The following USP37 variants were observed in gnomAD, a reference collection of about 807,000 sequenced individuals.
USP37 encodes the protein ubiquitin carboxyl-terminal hydrolase 37.
USP37 carries 27 observed loss-of-function variants against 124.0 expected under a neutral mutation model. The ratio of observed to expected loss-of-function variants is 0.22; its 90% CI spans 0.16 to 0.30. The LOEUF (loss-of-function observed/expected upper bound fraction) is 0.30. Ranked by LOEUF, USP37 falls within the 10% of genes least tolerant of loss-of-function variation. USP37 has a pLI of 1.00. For missense variants in USP37, 889 were observed against 1,140.4 expected, an observed-to-expected ratio of 0.78 and a Z score of 3.17; for synonymous variants, 365 against 388.0, an observed-to-expected ratio of 0.94 and a Z score of 0.70.
At chr2:218,523,713 C>T (rs986818148) in intron 10 of USP37, among the ~76,000 whole-genome samples, 4 of 152,064 alleles carry the variant, frequency 2.6e-5, no homozygotes, top group Non-Finnish European at 5.9e-5. Context: ...CCACTGAACC[C>T]GGCCTAGAGC....
intron 10 of USP37, among the ~76,000 whole-genome samples, chr2:218,523,725 CTTTAA>C (rs1220844063): frequency 6.6e-6 from 1 of 152,108 alleles, no homozygotes; most frequent in Admixed American, 6.6e-5. Context: ...GCCTAGAGCA[CTTTAA>C]TTTGTTTTAA....
chr2:218,465,619 G>A (rs372345134), intron 21 of USP37, among the ~76,000 whole-genome samples: 2 of 152,040 alleles, frequency 1.3e-5, no homozygotes, highest in Non-Finnish European at 2.9e-5. Context: ...GTGCAGTGGC[G>A]TGATCTCAGC....
At chr2:218,557,052 A>G (rs1252244143) in intron 4 of USP37, among the ~76,000 whole-genome samples, 8 of 151,360 alleles carry the variant, frequency 5.3e-5, no homozygotes, top group African/African-American at 1.7e-4. Flanking sequence ...TTTTTTTTGT[A>G]GAGACAGGGT....
At chr2:218,490,905 GCT>G (rs1385304292) in intron 14 of USP37, among the ~76,000 whole-genome samples, 2 of 152,204 alleles carry the variant, frequency 1.3e-5, no homozygotes, top group Admixed American at 6.5e-5. Flanking sequence ...ACAGGCTCTT[GCT>G]CTGTTGTCCA....
intron 17 of USP37, among the ~76,000 whole-genome samples, chr2:218,480,398 CAAAAAAAAAAAAAA>C (rs397868988): frequency 4.1e-5 from 2 of 48,830 alleles, no homozygotes; most frequent in Admixed American, 3.0e-4. Context: ...GACTCCGTCT[CAAAAAAAAAAAAAA>C]AAAAAAAAAA....
intron 1 of USP37, 80 bp from the exon 2 acceptor site, chr2:218,562,893 G>A: frequency 2.6e-6 from 1 of 391,260 alleles, no homozygotes; most frequent in Middle Eastern, 6.4e-4. Context: ...GCTGGGCACG[G>A]TGGCTGACGC....
rs80007586 is a variant in USP37 at position 218,504,564 on chromosome 2, T to G, written c.1025+5415A>C. On this transcript the variant is annotated intron_variant, in intron 11 of 25. Transcript: ENST00000258399. ...CCTCAGTCTCCCCGGTAGCTGGGAT[T>G]AAAGACATGTACCACCATGTTGGGC... Among the ~76,000 whole-genome samples, 5 of 152,244 alleles carry G rather than the reference T, an allele frequency of 3.3e-5. No homozygotes were observed. In the East Asian group the frequency reaches 9.6e-4, roughly 29 times the overall value.
At chr2:218,487,452 C>T (rs1691637979) in intron 15 of USP37, among the ~76,000 whole-genome samples, 1 of 151,674 alleles carries the variant, frequency 6.6e-6, no homozygotes, top group Non-Finnish European at 1.5e-5. Context: ...GACGGAGTCT[C>T]GTTCTGTCGC....
At chr2:218,473,785 G>T (rs535123910) in intron 20 of USP37, among the ~76,000 whole-genome samples, 30 of 152,306 alleles carry the variant, frequency 2.0e-4, no homozygotes, top group African/African-American at 6.7e-4. Context: ...AGCATTTTAT[G>T]TACAGTCATG....
At chr2:218,480,905 C>T (rs1305391378) in intron 17 of USP37, among the ~76,000 whole-genome samples, 1 of 152,180 alleles carries the variant, frequency 6.6e-6, no homozygotes, top group Non-Finnish European at 1.5e-5. Flanking sequence ...GGGCACATGC[C>T]TTTATTAGTA....
intron 8 of USP37, 50 bp from the exon 9 acceptor site, chr2:218,534,756 G>A (rs1362251109): frequency 3.2e-6 from 4 of 1,240,806 alleles, no homozygotes; most frequent in Non-Finnish European, 4.4e-6. Context: ...TAAAAATATT[G>A]TTCTTAATTT....
chr2:218,514,655 A>G (rs1482135351), intron 10 of USP37, among the ~76,000 whole-genome samples: 1 of 152,214 alleles, frequency 6.6e-6, no homozygotes, highest in Non-Finnish European at 1.5e-5. Context: ...TAAGAAATAT[A>G]GGGAGATACT....
chr2:218,490,774 T>G (rs1691893113), intron 14 of USP37, among the ~76,000 whole-genome samples: 1 of 152,240 alleles, frequency 6.6e-6, no homozygotes, highest in Non-Finnish European at 1.5e-5. Flanking sequence ...TTATTTTACC[T>G]GGCCCAAAGG....
At chr2:218,463,481 T>A in intron 21 of USP37, 115 bp from the exon 22 acceptor site, 1 of 837,188 alleles carries the variant, frequency 1.2e-6, no homozygotes, top group Non-Finnish European at 1.9e-6. Flanking sequence ...TCTATAACCT[T>A]ATGGATGTTT....
At chr2:218,552,596 A>G (rs1692725660) in intron 5 of USP37, among the ~76,000 whole-genome samples, 1 of 152,052 alleles carries the variant, frequency 6.6e-6, no homozygotes, top group African/African-American at 2.4e-5. Flanking sequence ...CAAAAAAAAG[A>G]AAAAGAAAAA....
In USP37 at chr2:218,495,785, C is replaced by T. The variant is rs752870035; in HGVS notation, c.1447G>A (p.Val483Ile). The T allele has an allele frequency of 3.3e-5, 54 of 1,612,282 alleles. No individual in the cohort carries two copies. Among genetic ancestry groups the T allele is most frequent in the Non-Finnish European group, 4.2e-5 (49 of 1,179,688 alleles). Residue 483 changes from valine (V) to isoleucine (I), a missense_variant, in exon 14 of 26, where the codon GTT (valine) becomes ATT (isoleucine). Val to Ile is a conservative substitution (Grantham distance 29, BLOSUM62 3). Transcript: ENST00000258399. ...GCTTTACAAATGATGGAGTGCTGAA[C>T]CTCAAACTCCAAATTAGTAATAACA... Reference protein sequence around the residue: ...CPVITNLEFEVQHSIICKACG... With the variant: ...CPVITNLEFEIQHSIICKACG...
chr2:218,499,992 C>A (rs1229392770), intron 11 of USP37, among the ~76,000 whole-genome samples: 6 of 152,178 alleles, frequency 3.9e-5, no homozygotes, highest in Admixed American at 3.3e-4. Flanking sequence ...TGGTATTGAA[C>A]TCCAGGGCTC....
At chr2:218,481,904 T>A (rs1691292379) in intron 17 of USP37, among the ~76,000 whole-genome samples, 166 bp downstream of exon 17, 2 of 152,170 alleles carry the variant, frequency 1.3e-5, no homozygotes, top group Admixed American at 1.3e-4. Flanking sequence ...TTCTCCTGCC[T>A]CAGCCTCCCA....
intron 11 of USP37, among the ~76,000 whole-genome samples, chr2:218,505,297 G>A (rs6714908): frequency 0.049 from 7,460 of 152,218 alleles, 526 homozygotes; most frequent in African/African-American, 0.16. Flanking sequence ...GGGATTACAG[G>A]TGTTAGCCAT....
Sources: allele counts gnomAD v4.1 joint callset (sites outside exome capture counted in the v4.1 genomes callset), GRCh38; gene constraint gnomAD v4.1.1; transcripts MANE v1.5; gene names NCBI Gene and HGNC (gene_info 2026-07-23, HGNC 2026-07-21).